SVEP1: variants seen among roughly 807,000 people sequenced by gnomAD.
SVEP1 encodes the protein sushi, von Willebrand factor type A, EGF and pentraxin domain containing 1, also known as sushi, von Willebrand factor type A, EGF and pentraxin domain-containing protein 1.
SVEP1 carries 164 observed loss-of-function variants against 367.3 expected under a neutral mutation model. The observed-to-expected ratio is 0.45, with a 90% CI of 0.39 to 0.51. The LOEUF (loss-of-function observed/expected upper bound fraction) is 0.51. Among genes scored for constraint, SVEP1 ranks in the 20% least tolerant of loss-of-function variants. The pLI, the probability that SVEP1 is intolerant of heterozygous loss-of-function variation, is 0.00. For missense variants in SVEP1, 4,117 were observed against 4,425.3 expected, an observed-to-expected ratio of 0.93 and a Z score of 1.98; for synonymous variants, 1,666 against 1,611.6, an observed-to-expected ratio of 1.03 and a Z score of -0.81.
chr9:110,577,834 C>G (rs529469528), intron 1 of SVEP1, among the ~76,000 whole-genome samples: 1 of 151,902 alleles, frequency 6.6e-6, no homozygotes, highest in Non-Finnish European at 1.5e-5. Context: ...GGAAAAAATA[C>G]AAATGTCCAG....
At chr9:110,367,185 G>T (rs1449114525) in intron 47 of SVEP1, among the ~76,000 whole-genome samples, 5 of 152,158 alleles carry the variant, frequency 3.3e-5, no homozygotes, top group African/African-American at 1.2e-4. Flanking sequence ...TTTAAAACAA[G>T]ATCTTACTCT....
rs780867773 is a variant in SVEP1, at chr9:110,407,602, C to T, written c.7998G>A (p.Glu2666=). The T allele has an allele frequency of 1.2e-6, 2 of 1,613,964 alleles. No individual in the cohort carries two copies. The highest frequency in any genetic ancestry group is 1.7e-6 in the Non-Finnish European group (2 of 1,179,866). Residue 2666 remains glutamate (E), a synonymous_variant, in exon 38 of 48, where the codon GAG becomes GAA. Coordinates refer to ENST00000374469, the MANE Select transcript of SVEP1 (RefSeq NM_153366.4). The part of the protein sequence containing the change: ...AVAKTWENTK[E]SPATHSSNFL... Reference sequence around the variant, plus strand: ...AGTTTGATGAATGTGTAGCAGGAGACTCCTTTGTATTTTCCCAGGTTTTAG... The same window carrying T: ...AGTTTGATGAATGTGTAGCAGGAGATTCCTTTGTATTTTCCCAGGTTTTAG...
At chr9:110,428,427 C>CAA (rs879782501) in intron 35 of SVEP1, among the ~76,000 whole-genome samples, 1,602 of 98,090 alleles carry the variant, frequency 0.016, 25 homozygotes, top group African/African-American at 0.055. Context: ...CACACACACA[C>CAA]ACCATTAATC....
intron 39 of SVEP1, 107 bp downstream of exon 39, chr9:110,404,220 A>C (rs2118482605): frequency 9.8e-6 from 11 of 1,120,796 alleles, no homozygotes; most frequent in Middle Eastern, 3.1e-4. Context: ...AAATGAGTGA[A>C]AACTTCAGAC....
intron 46 of SVEP1, among the ~76,000 whole-genome samples, chr9:110,374,325 C>CTT (rs770257928): frequency 1.6e-4 from 25 of 152,110 alleles, no homozygotes; most frequent in Non-Finnish European, 3.2e-4. Flanking sequence ...TGATCTCGTT[C>CTT]TTTTTTATGG....
intron 45 of SVEP1, among the ~76,000 whole-genome samples, chr9:110,376,442 T>C (rs1827352782): frequency 6.6e-6 from 1 of 152,250 alleles, no homozygotes; most frequent in Non-Finnish European, 1.5e-5. Context: ...TCTTTTTTAA[T>C]CATTTGAGAA....
rs1206740623 is a variant in SVEP1 at position 110,427,473 on chromosome 9, CTCTT to C, written c.5975+114_5975+117del. On this transcript the variant is annotated intron_variant, in intron 36 of 47. Coordinates refer to ENST00000374469, the MANE Select transcript of SVEP1 (RefSeq NM_153366.4). Reference sequence around the variant, plus strand: ...AGGTAGGAAATAAAAGCATAAGGCTCTCTTTGTCTTTGGCTGCCAGGAAATTAAA... The same window carrying C: ...AGGTAGGAAATAAAAGCATAAGGCTCTGTCTTTGGCTGCCAGGAAATTAAA... The C allele has an allele frequency of 9.3e-5, 114 of 1,231,656 alleles. No individual in the cohort carries two copies. The East Asian group carries it at 2.4e-3, about 26-fold the overall frequency. 76.3% of individuals were successfully genotyped at this position (1,231,656 alleles called of 1,614,324 possible).
chr9:110,555,173 C>T (rs1355029384), intron 1 of SVEP1, among the ~76,000 whole-genome samples: 1 of 146,800 alleles, frequency 6.8e-6, no homozygotes, highest in Non-Finnish European at 1.5e-5. Context: ...TAACTGTAAG[C>T]AAGACATTAA....
At position 110,404,553 on chromosome 9, in the gene SVEP1, C is replaced by G; in HGVS notation, c.9441-1G>C. ...ATCCATCGTATAACCTTCCAGACAT[C>G]TGCAATGGAAATGCAAAAATGAGTG... On this transcript the variant is annotated splice_acceptor_variant, in intron 38 of 47. Transcript: ENST00000374469. LOFTEE classifies it high-confidence loss of function. 1.9e-6 allele frequency: 3 copies of G among 1,613,676 alleles called. No individual in the cohort carries two copies. Among genetic ancestry groups the G allele is most frequent in the Non-Finnish European group, 2.5e-6 (3 of 1,179,624 alleles).
chr9:110,371,226 C>T (rs1827270988), intron 46 of SVEP1, among the ~76,000 whole-genome samples: 1 of 152,076 alleles, frequency 6.6e-6, no homozygotes, highest in South Asian at 2.1e-4. Flanking sequence ...AATTGAAAAC[C>T]AACTCCCCAT....
intron 41 of SVEP1, 96 bp from the exon 42 acceptor site, chr9:110,387,554 A>T: frequency 7.6e-7 from 1 of 1,312,204 alleles, no homozygotes; most frequent in Non-Finnish European, 1.0e-6. Flanking sequence ...GGAATATATA[A>T]AATATTATGG....
At chr9:110,567,432 T>G (rs1830505067) in intron 1 of SVEP1, among the ~76,000 whole-genome samples, 1 of 152,180 alleles carries the variant, frequency 6.6e-6, no homozygotes, top group Admixed American at 6.5e-5. Flanking sequence ...TACTAAATTT[T>G]GATACTCGGT....
At position 110,533,191 on chromosome 9, in the gene SVEP1, T is replaced by A. The variant is rs142979560; in HGVS notation, c.964+12924A>T. Among the ~76,000 whole-genome samples the A allele has an allele frequency of 4.7e-3, 709 of 152,244 alleles. 11 individuals carry two copies. Among genetic ancestry groups the A allele is most frequent in the African/African-American group, 0.016 (671 of 41,564 alleles). Reference sequence around the variant, plus strand: ...CTGTTCCTAACAGGCCACAGATCAGTACCGGTCCATGGCCCAGAGGTTGGG... The same window carrying A: ...CTGTTCCTAACAGGCCACAGATCAGAACCGGTCCATGGCCCAGAGGTTGGG... On this transcript the variant is annotated intron_variant, in intron 3 of 47. Transcript: ENST00000374469.
In SVEP1 at chr9:110,526,886, A is replaced by G. The variant is rs191497139; in HGVS notation, c.965-12780T>C. On this transcript the variant is annotated intron_variant, in intron 3 of 47. Coordinates refer to ENST00000374469, the MANE Select transcript of SVEP1 (RefSeq NM_153366.4). ...TTGGTACACACAACCATCTGGAAAA[A>G]TCTCTAGAGAATTATGCCATGTGAA... Among the ~76,000 whole-genome samples, 6 of 152,228 alleles carry G rather than the reference A, an allele frequency of 3.9e-5. No individual in the cohort carries two copies. The East Asian group carries it at 1.2e-3, about 29-fold the overall frequency.
chr9:110,510,315 T>A (rs1829688072), intron 5 of SVEP1, among the ~76,000 whole-genome samples: 2 of 152,250 alleles, frequency 1.3e-5, no homozygotes, highest in African/African-American at 4.8e-5. Flanking sequence ...CCCACTCCTC[T>A]TCTGTTTCCA....
chr9:110,564,037 G>A (rs1175545244), intron 1 of SVEP1, among the ~76,000 whole-genome samples: 1 of 152,192 alleles, frequency 6.6e-6, no homozygotes, highest in African/African-American at 2.4e-5. Context: ...CTCATGGGTA[G>A]GCAGTGGACT....
At chr9:110,461,190 G>A (rs1029882205) in intron 18 of SVEP1, among the ~76,000 whole-genome samples, 66 of 152,142 alleles carry the variant, frequency 4.3e-4, no homozygotes, top group Non-Finnish European at 1.8e-4. Flanking sequence ...ACAAGCTCGG[G>A]TTTTCCTCCA....
intron 1 of SVEP1, among the ~76,000 whole-genome samples, chr9:110,570,381 T>A (rs1337090522): frequency 6.6e-6 from 1 of 152,180 alleles, no homozygotes; most frequent in Non-Finnish European, 1.5e-5. Context: ...CCTGTCTCTA[T>A]CAGTATCATC....
Position 110,392,151 on chromosome 9 carries a change from A to ATATATATATCTATC in SVEP1, c.9823-2565_9823-2564insGATAGATATATATA, listed in dbSNP as rs1308038317. On this transcript the variant is annotated intron_variant, in intron 40 of 47. Transcript: ENST00000374469. ...TTCCTCATTATATATATATATATAT[A>ATATATATATCTATC]TATCTCTTCTCTCTCTCTCCTATTG... 6.2e-5 allele frequency among the ~76,000 whole-genome samples: 9 copies of ATATATATATCTATC among 146,014 alleles called. 1 individual carries two copies. The highest frequency in any genetic ancestry group is 2.1e-4 in the African/African-American group (8 of 37,360).
Sources: gnomAD v4.1 joint callset for allele counts (sites outside exome capture counted in the v4.1 genomes callset) on GRCh38, gnomAD v4.1.1 for gene constraint, MANE v1.5 for transcripts, NCBI Gene and HGNC (gene_info 2026-07-23, HGNC 2026-07-21) for gene names.